STRBP: variants seen among roughly 807,000 people sequenced by gnomAD.
The protein encoded by STRBP is spermatid perinuclear RNA binding protein.
A neutral mutation model predicts 80.1 loss-of-function variants in STRBP; 13 were observed. The ratio of observed to expected loss-of-function variants is 0.16; its 90% CI spans 0.11 to 0.26. STRBP has a LOEUF of 0.26. STRBP is among the 10% of genes least tolerant of loss of function. The pLI is 1.00. For missense variants in STRBP, 485 were observed against 815.2 expected, an observed-to-expected ratio of 0.59 and a Z score of 4.93; for synonymous variants, 284 against 291.2, an observed-to-expected ratio of 0.98 and a Z score of 0.25.
intron 1 of STRBP, among the ~76,000 whole-genome samples, chr9:123,250,278 T>C (rs1014549383): frequency 4.1e-4 from 62 of 152,230 alleles, no homozygotes; most frequent in Middle Eastern, 3.2e-3. Flanking sequence ...TGAACCCAGC[T>C]GTCTTCTAGT....
At chr9:123,227,413 A>G (rs1184994446) in intron 2 of STRBP, among the ~76,000 whole-genome samples, 1 of 152,154 alleles carries the variant, frequency 6.6e-6, no homozygotes, top group Non-Finnish European at 1.5e-5. Context: ...AAGCCAAAGG[A>G]TAACAACAAC....
In STRBP at chr9:123,111,722, G is replaced by A. The variant is rs537322179; in HGVS notation, c.*85-1969C>T. On this transcript the variant is annotated intron_variant and NMD_transcript_variant, in intron 3 of 3. Coordinates refer to the STRBP transcript ENST00000471564. Reference sequence around the variant, plus strand: ...TCTTTACCCAGTGTCCATCTGTGCCGGCTCCAGTTTGTCAGTTTCCCTTCC... The same window carrying A: ...TCTTTACCCAGTGTCCATCTGTGCCAGCTCCAGTTTGTCAGTTTCCCTTCC... The A allele has an allele frequency of 5.0e-5, 20 of 398,676 alleles. 1 individual carries two copies. The East Asian group carries it at 7.3e-4, about 15-fold the overall frequency. 24.7% of individuals were successfully genotyped at this position (398,676 alleles called of 1,614,324 possible).
chr9:123,228,220 C>T (rs1215399005), intron 2 of STRBP, among the ~76,000 whole-genome samples: 1 of 152,160 alleles, frequency 6.6e-6, no homozygotes, highest in South Asian at 2.1e-4. Context: ...GGGTTTTAGA[C>T]ATGTTCCATT....
intron 2 of STRBP, among the ~76,000 whole-genome samples, chr9:123,235,201 G>A (rs985496145): frequency 2.0e-5 from 3 of 151,950 alleles, no homozygotes; most frequent in Non-Finnish European, 4.4e-5. Context: ...TTCCTTGTCT[G>A]TGGTAGAAGG....
chr9:123,268,090 C>T (rs1420677150), intron 1 of STRBP, among the ~76,000 whole-genome samples: 1 of 151,766 alleles, frequency 6.6e-6, no homozygotes, highest in African/African-American at 2.4e-5. Flanking sequence ...CCGAGCCCTC[C>T]GTCCCGGAAG....
At chr9:123,164,058 G>GT (rs2037644944) in intron 6 of STRBP, among the ~76,000 whole-genome samples, 1 of 151,922 alleles carries the variant, frequency 6.6e-6, no homozygotes, top group South Asian at 2.1e-4. Flanking sequence ...TTTGTTTTTT[G>GT]TTTTTTGAGA....
At chr9:123,112,444 G>A (rs574843917) in intron 3 of STRBP, 424 of 167,410 alleles carry the variant, frequency 2.5e-3, no homozygotes, top group Admixed American at 5.0e-3. Flanking sequence ...ATCAACGCAC[G>A]GCAGCGCCAG....
chr9:123,160,220 A>T, intron 8 of STRBP, 147 bp downstream of exon 8: 2 of 480,278 alleles, frequency 4.2e-6, no homozygotes, highest in African/African-American at 2.0e-5. Flanking sequence ...GCTTAAAAAG[A>T]TGCTTTATTT....
intron 6 of STRBP, among the ~76,000 whole-genome samples, chr9:123,164,164 GCCTCC>G (rs2037651590): frequency 6.6e-6 from 1 of 152,052 alleles, no homozygotes; most frequent in African/African-American, 2.4e-5. Flanking sequence ...CCATGCCTTG[GCCTCC>G]CGAACAGCTG....
In STRBP at chr9:123,123,072, G is replaced by C. The variant is rs2035784461; in HGVS notation, c.*2525C>G. ...CCTCAGGGTGTCACATTGCTCTTAA[G>C]ACCAAGACATAGAAATTGCCATTTC... On this transcript the variant is annotated 3_prime_UTR_variant, in exon 19 of 19. Transcript: ENST00000348403. The C allele has an allele frequency of 1.0e-6, 1 of 985,314 alleles. No homozygotes were observed. Among genetic ancestry groups the C allele is most frequent in the South Asian group, 4.7e-5 (1 of 21,282 alleles). 61.0% of individuals were successfully genotyped at this position (985,314 alleles called of 1,614,324 possible). A position where few individuals can be genotyped will look rare whatever the true frequency, so the allele number is the denominator to read the frequency against.
At position 123,136,426 on chromosome 9, in the gene STRBP, G is replaced by T; in HGVS notation, c.1587C>A (p.Leu529=). ...CATGGCTTCCACCAGTCTCTGAGAT[G>T]AGTTCATACTTGAGACCTCTTCTTT... ...NEKRRGLKYE[L]ISETGGSHDK... is the part of the protein sequence containing the mutation. Residue 529 remains leucine, a synonymous_variant, in exon 15 of 19, where the codon CTC becomes CTA. Coordinates refer to ENST00000348403, the MANE Select transcript of STRBP (RefSeq NM_018387.5). This position sits in a 1 kb window ranked among gnomAD's most constrained non-coding sequence, Gnocchi z 4.2. 6.2e-7 allele frequency: 1 copy of T among 1,614,096 alleles called. No individual in the cohort carries two copies. The highest frequency in any genetic ancestry group is 1.1e-5 in the South Asian group (1 of 91,076).
chr9:123,228,567 T>C (rs1393664954), intron 2 of STRBP, among the ~76,000 whole-genome samples: 5 of 152,192 alleles, frequency 3.3e-5, no homozygotes, highest in Non-Finnish European at 7.3e-5. Context: ...ATGCTGGGCA[T>C]AGGTCAAACA....
chr9:123,182,714 A>G (rs2038529682), intron 3 of STRBP, among the ~76,000 whole-genome samples: 1 of 152,228 alleles, frequency 6.6e-6, no homozygotes. Flanking sequence ...TAACATTTAA[A>G]GAAACATCAC....
chr9:123,203,893 A>T (rs1005052961), intron 2 of STRBP, among the ~76,000 whole-genome samples: 1 of 151,838 alleles, frequency 6.6e-6, no homozygotes, highest in Non-Finnish European at 1.5e-5. Context: ...AACTGCTTGA[A>T]CCCAGGAGGC....
Position 123,122,512 on chromosome 9 carries a change from T to C in STRBP, c.*3085A>G, listed in dbSNP as rs1430945093. On this transcript the variant is annotated 3_prime_UTR_variant, in exon 19 of 19. Transcript: ENST00000348403. ...GTGGTTTGTTCCCCAGGCTAACAAT[T>C]TGAGAGAGACTACAAACGACTTCAG... The C allele has an allele frequency of 1.5e-5, 18 of 1,183,706 alleles. No individual in the cohort carries two copies. Among genetic ancestry groups the C allele is most frequent in the Non-Finnish European group, 1.7e-5 (16 of 944,458 alleles). 73.3% of individuals were successfully genotyped at this position (1,183,706 alleles called of 1,614,324 possible).
At chr9:123,236,496 G>C (rs1043276261) in intron 2 of STRBP, among the ~76,000 whole-genome samples, 1 of 152,048 alleles carries the variant, frequency 6.6e-6, no homozygotes, top group African/African-American at 2.4e-5. Context: ...AGTTCTTAAC[G>C]TACTTTCTGA....
chr9:123,190,913 A>G (rs1267098214), intron 2 of STRBP, among the ~76,000 whole-genome samples: 4 of 152,170 alleles, frequency 2.6e-5, no homozygotes, highest in African/African-American at 9.7e-5. Flanking sequence ...AGCCAGACAG[A>G]TGACTCACTT....
intron 2 of STRBP, among the ~76,000 whole-genome samples, chr9:123,226,144 A>G (rs886102146): frequency 2.0e-5 from 3 of 152,220 alleles, no homozygotes; most frequent in African/African-American, 7.2e-5. Flanking sequence ...TCTCGAAAGC[A>G]CAGAGGCTAA....
At position 123,139,703 on chromosome 9, in the gene STRBP, TAA is replaced by T; in HGVS notation, c.1339-18_1339-17del. The T allele has an allele frequency of 6.2e-7, 1 of 1,602,694 alleles. No individual in the cohort carries two copies. The highest frequency in any genetic ancestry group is 1.7e-4 in the Middle Eastern group (1 of 6,040). ...CCTGCAATACCTGTACAAATTACAT[TAA>T]AATGCAGTTTTATTCAGACACGAGA... On this transcript the variant is annotated splice_polypyrimidine_tract_variant and intron_variant, in intron 13 of 18. Transcript: ENST00000348403.
Sources: allele counts gnomAD v4.1 joint callset (sites outside exome capture counted in the v4.1 genomes callset), GRCh38; gene constraint gnomAD v4.1.1; non-coding constraint Gnocchi (gnomAD v3.1); transcripts MANE v1.5; gene names NCBI Gene and HGNC (gene_info 2026-07-23, HGNC 2026-07-21).